The following KCNH1 variants were observed in gnomAD, a reference collection of about 807,000 sequenced individuals.
The protein encoded by KCNH1 is voltage-gated delayed rectifier potassium channel KCNH1.
In KCNH1, 27 loss-of-function variants were observed where a neutral mutation model predicts 69.2. That is an observed-to-expected ratio of 0.39 (90% CI 0.29 to 0.54). The LOEUF is 0.54. Ranked by LOEUF, KCNH1 falls within the 20% of genes least tolerant of loss-of-function variation. KCNH1 has a pLI of 0.68. For synonymous variants in KCNH1, 456 were observed against 487.7 expected, an observed-to-expected ratio of 0.93 and a Z score of 0.86; for missense variants, 798 against 1,261.6, an observed-to-expected ratio of 0.63 and a Z score of 5.57.
intron 6 of KCNH1, among the ~76,000 whole-genome samples, chr1:211,011,246 TGTTAGTTTGCTGAGAATGATG>T (rs1176091666): frequency 1.3e-5 from 2 of 152,110 alleles, no homozygotes; most frequent in Non-Finnish European, 2.9e-5. Context: ...TCCGTTCCTG[TGTTAGTTTGCTGAGAATGATG>T]GTTTCCAGCT....
At chr1:210,958,090 T>C (rs1688215218) in intron 6 of KCNH1, among the ~76,000 whole-genome samples, 1 of 152,206 alleles carries the variant, frequency 6.6e-6, no homozygotes, top group Non-Finnish European at 1.5e-5. Context: ...CTTCAGGAGC[T>C]CTTGTAAGGC....
At chr1:210,739,021 C>A (rs2149035804) in intron 10 of KCNH1, among the ~76,000 whole-genome samples, 1 of 152,280 alleles carries the variant, frequency 6.6e-6, no homozygotes, top group East Asian at 1.9e-4. Flanking sequence ...CTGTTTCACT[C>A]CCAATTCCTA....
chr1:210,767,151 G>T (rs1280492701), intron 10 of KCNH1, among the ~76,000 whole-genome samples: 1 of 152,228 alleles, frequency 6.6e-6, no homozygotes, highest in East Asian at 1.9e-4. Flanking sequence ...CTAGGCCAAA[G>T]AAAGAATGAG....
chr1:211,061,516 G>A (rs191857480), intron 5 of KCNH1, among the ~76,000 whole-genome samples: 2 of 152,152 alleles, frequency 1.3e-5, no homozygotes, highest in Admixed American at 6.5e-5. Context: ...CATCCAAATT[G>A]AAAAGGAAGA....
chr1:211,033,573 A>T (rs1015203790), intron 5 of KCNH1, among the ~76,000 whole-genome samples: 6 of 152,250 alleles, frequency 3.9e-5, no homozygotes, highest in African/African-American at 7.2e-5. Context: ...ACCACGGAAT[A>T]CTATGCAGCC....
intron 9 of KCNH1, among the ~76,000 whole-genome samples, chr1:210,796,154 C>CAAA (rs34606473): frequency 0.3 from 39,705 of 133,704 alleles, 6,555 homozygotes; most frequent in Non-Finnish European, 0.4. Flanking sequence ...GATTCCGTCT[C>CAAA]AAAAAAAAAA....
At chr1:210,790,500 A>G (rs74526255) in intron 9 of KCNH1, among the ~76,000 whole-genome samples, 1,591 of 152,222 alleles carry the variant, frequency 0.01, 31 homozygotes, top group African/African-American at 0.037. Flanking sequence ...TTCCCTCCCA[A>G]CTACAGTTGG....
chr1:211,022,003 AC>A (rs1271081942), intron 5 of KCNH1, among the ~76,000 whole-genome samples: 1 of 152,140 alleles, frequency 6.6e-6, no homozygotes, highest in East Asian at 1.9e-4. Flanking sequence ...ATCACAGAAG[AC>A]CCAGAATAGC....
intron 7 of KCNH1, among the ~76,000 whole-genome samples, chr1:210,832,369 T>A (rs1685180823): frequency 6.6e-6 from 1 of 152,210 alleles, no homozygotes; most frequent in African/African-American, 2.4e-5. Context: ...ATATTGCAGA[T>A]ATTCTGGTAT....
At chr1:211,059,175 G>A (rs1227453796) in intron 5 of KCNH1, among the ~76,000 whole-genome samples, 1 of 151,922 alleles carries the variant, frequency 6.6e-6, no homozygotes, top group Non-Finnish European at 1.5e-5. Flanking sequence ...AGCTACTCAG[G>A]AGGCTGAGGC....
At chr1:210,898,512 A>G (rs1686919921) in intron 7 of KCNH1, among the ~76,000 whole-genome samples, 1 of 152,184 alleles carries the variant, frequency 6.6e-6, no homozygotes, top group Non-Finnish European at 1.5e-5. Flanking sequence ...TCAGGGATTC[A>G]GAAGTATGGG....
chr1:210,733,756 G>T (rs977975638), intron 10 of KCNH1, among the ~76,000 whole-genome samples: 1 of 152,172 alleles, frequency 6.6e-6, no homozygotes, highest in Non-Finnish European at 1.5e-5. Context: ...GAAAAGAGAG[G>T]TGTGGGTAGA....
intron 2 of KCNH1, among the ~76,000 whole-genome samples, chr1:211,105,490 C>T (rs1261483771): frequency 6.6e-6 from 1 of 152,090 alleles, no homozygotes; most frequent in Non-Finnish European, 1.5e-5. Context: ...CAAATGCTTA[C>T]AACGCACAAA....
In KCNH1 at chr1:211,019,237, T is replaced by G; in HGVS notation, c.578A>C (p.Asp193Ala). ...RLAEVLQLGS[D>A]ILPQYKQEAP... Reference sequence around the variant, plus strand: ...CTCTTGCTTGTACTGGGGAAGGATGTCTGAGCCCAGCTGTAGGACCTGTAC... The same window carrying G: ...CTCTTGCTTGTACTGGGGAAGGATGGCTGAGCCCAGCTGTAGGACCTGTAC... The change falls in exon 6 of 11, where the codon GAC becomes GCC. Residue 193 changes from aspartate (D) to alanine (A), a missense_variant. Around this residue, in one of 4 missense-constraint regions of KCNH1, gnomAD observed 266 missense variants for 457.2 expected, o/e 0.58. Coordinates refer to ENST00000271751, the MANE Select transcript of KCNH1 (RefSeq NM_172362.3). 1 of 1,608,358 alleles carries G rather than the reference T, an allele frequency of 6.2e-7. No individual in the cohort carries two copies. Among genetic ancestry groups the G allele is most frequent in the Non-Finnish European group, 8.5e-7 (1 of 1,178,790 alleles).
chr1:210,799,840 A>T (rs1040698354), intron 8 of KCNH1, among the ~76,000 whole-genome samples: 1 of 152,004 alleles, frequency 6.6e-6, no homozygotes, highest in African/African-American at 2.4e-5. Flanking sequence ...CTCAAATCTC[A>T]CCTCACCACT....
At chr1:210,997,090 T>TA (rs1241851580) in intron 6 of KCNH1, among the ~76,000 whole-genome samples, 1 of 152,164 alleles carries the variant, frequency 6.6e-6, no homozygotes, top group Non-Finnish European at 1.5e-5. Context: ...CTGGAAACTC[T>TA]AAAAAGCAGA....
intron 6 of KCNH1, among the ~76,000 whole-genome samples, chr1:210,964,926 G>C (rs1436609235): frequency 2.0e-5 from 3 of 152,156 alleles, no homozygotes; most frequent in African/African-American, 7.2e-5. Flanking sequence ...CTTCATCCCT[G>C]AGATGCAAGG....
intron 1 of KCNH1, among the ~76,000 whole-genome samples, chr1:211,121,939 T>A (rs978827961): frequency 6.6e-6 from 1 of 151,908 alleles, no homozygotes; most frequent in Admixed American, 6.6e-5. Flanking sequence ...ATCGAGACCA[T>A]CCTGGCTAAC....
intron 6 of KCNH1, among the ~76,000 whole-genome samples, chr1:210,928,273 A>C (rs1221310428): frequency 6.6e-6 from 1 of 152,180 alleles, no homozygotes; most frequent in Non-Finnish European, 1.5e-5. Flanking sequence ...CACACGGAAC[A>C]TCAGCACATG....
Sources: allele counts gnomAD v4.1 joint callset (sites outside exome capture counted in the v4.1 genomes callset), GRCh38; gene constraint gnomAD v4.1.1; regional missense constraint gnomAD v4.1.1; transcripts MANE v1.5; gene names NCBI Gene and HGNC (gene_info 2026-07-23, HGNC 2026-07-21).